Variants in KLF12 observed in about 807,000 individuals in gnomAD.
KLF12 encodes the protein Krueppel-like factor 12.
In KLF12, 9 loss-of-function variants were observed where a neutral mutation model predicts 37.8. That is an observed-to-expected ratio of 0.24 (90% CI 0.14 to 0.42). The LOEUF is 0.42. Among genes scored for constraint, KLF12 ranks in the 10% least tolerant of loss-of-function variants. The pLI, the probability that KLF12 is intolerant of heterozygous loss-of-function variation, is 1.00. For synonymous variants in KLF12, 208 were observed against 202.1 expected (o/e 1.03, Z -0.25); for missense variants, 411 against 516.0 (o/e 0.80, Z 1.97).
chr13:74,029,155 AAGAC>A (rs1282694473), intron 1 of KLF12, among the ~76,000 whole-genome samples: 3 of 152,142 alleles, frequency 2.0e-5, no homozygotes, highest in Non-Finnish European at 2.9e-5. Context: ...CAGTGGGACT[AAGAC>A]CAACCAAGTA....
chr13:73,760,577 C>G (rs1044696879), intron 6 of KLF12, among the ~76,000 whole-genome samples: 3 of 152,154 alleles, frequency 2.0e-5, no homozygotes, highest in Admixed American at 2.0e-4. Flanking sequence ...TCAGCTTCAG[C>G]CTCCCAAAGT....
At chr13:74,176,440 G>C in the KLF12 span, among the ~76,000 whole-genome samples, 6 of 152,122 alleles carry the variant, frequency 3.9e-5, no homozygotes, top group African/African-American at 1.4e-4. Flanking sequence ...CAACATTCTA[G>C]CCTCATGGTG....
chr13:74,213,409 A>C, the KLF12 span, among the ~76,000 whole-genome samples: 1 of 152,126 alleles, frequency 6.6e-6, no homozygotes, highest in African/African-American at 2.4e-5. Context: ...GATAAAGAGA[A>C]ATTCTTGTTT....
chr13:73,915,984 T>C (rs952199216), intron 3 of KLF12, among the ~76,000 whole-genome samples: 1 of 152,150 alleles, frequency 6.6e-6, no homozygotes, highest in Non-Finnish European at 1.5e-5. Context: ...TTCCAGAAGT[T>C]AGTGTTTACC....
At chr13:73,877,156 A>G (rs1886748421) in intron 3 of KLF12, among the ~76,000 whole-genome samples, 1 of 152,214 alleles carries the variant, frequency 6.6e-6, no homozygotes, top group Admixed American at 6.5e-5. Context: ...TTAAACAAGT[A>G]TAATTAACAA....
chr13:73,946,972 T>G (rs544080513), intron 2 of KLF12, among the ~76,000 whole-genome samples: 17 of 152,336 alleles, frequency 1.1e-4, no homozygotes, highest in Admixed American at 8.5e-4. Flanking sequence ...CTCACTGAAC[T>G]AAGATCAGAT....
chr13:73,852,835 C>T (rs181071345), intron 3 of KLF12, among the ~76,000 whole-genome samples: 183 of 151,302 alleles, frequency 1.2e-3, no homozygotes, highest in African/African-American at 4.1e-3. Flanking sequence ...GAAGTCTATA[C>T]ATCAAATAAT....
At chr13:74,130,763 A>T (rs1878219050) in intron 1 of KLF12, among the ~76,000 whole-genome samples, 1 of 152,254 alleles carries the variant, frequency 6.6e-6, no homozygotes, top group Non-Finnish European at 1.5e-5. Flanking sequence ...TGGCAAGCAG[A>T]AAAACTTATA....
intron 6 of KLF12, among the ~76,000 whole-genome samples, chr13:73,746,411 A>G (rs1169800267): frequency 6.6e-6 from 1 of 152,218 alleles, no homozygotes; most frequent in African/African-American, 2.4e-5. Flanking sequence ...CACAGCCGCA[A>G]CATAACTTTA....
intron 6 of KLF12, among the ~76,000 whole-genome samples, chr13:73,751,303 T>C (rs530282329): frequency 1.3e-5 from 2 of 152,288 alleles, no homozygotes; most frequent in South Asian, 4.1e-4. Flanking sequence ...TTTTAGCTCT[T>C]TGAGAAATGT....
the KLF12 span, among the ~76,000 whole-genome samples, chr13:74,272,028 G>A: frequency 2.0e-5 from 3 of 152,178 alleles, no homozygotes; most frequent in Non-Finnish European, 4.4e-5. Flanking sequence ...CTAGCTGCAA[G>A]GGAGTCTGAT....
chr13:73,855,518 C>T (rs1885562038), intron 3 of KLF12, among the ~76,000 whole-genome samples: 1 of 152,156 alleles, frequency 6.6e-6, no homozygotes, highest in Admixed American at 6.5e-5. Context: ...TTGGTTGATT[C>T]CACGTCTTTG....
the KLF12 span, among the ~76,000 whole-genome samples, chr13:74,304,163 A>G: frequency 2.0e-5 from 3 of 152,196 alleles, no homozygotes; most frequent in African/African-American, 7.2e-5. Flanking sequence ...ATAAAGGCAC[A>G]GGCTTTCAGC....
chr13:73,961,962 C>T, intron 2 of KLF12: 1 of 452,700 alleles, frequency 2.2e-6, no homozygotes, highest in South Asian at 1.6e-5. Flanking sequence ...TATATTCTTA[C>T]CATAAGATCA....
the KLF12 span, among the ~76,000 whole-genome samples, chr13:74,256,154 C>CAAAAAAAAAAAAA: frequency 2.6e-5 from 2 of 75,618 alleles, no homozygotes; most frequent in Non-Finnish European, 2.9e-5. Context: ...GACTCTGTCT[C>CAAAAAAAAAAAAA]AAAAAAAAAA....
chr13:74,299,469 A>G, the KLF12 span, among the ~76,000 whole-genome samples: 1 of 152,146 alleles, frequency 6.6e-6, no homozygotes, highest in African/African-American at 2.4e-5. Flanking sequence ...AATATTTTCT[A>G]TCAAATTTGG....
chr13:73,874,365 C>G (rs1243988104), intron 3 of KLF12, among the ~76,000 whole-genome samples: 1 of 152,092 alleles, frequency 6.6e-6, no homozygotes, highest in Non-Finnish European at 1.5e-5. Context: ...CATGCCTGTT[C>G]AATACGTTTA....
At chr13:74,257,309 C>G in the KLF12 span, 1 of 152,456 alleles carries the variant, frequency 6.6e-6, no homozygotes, top group African/African-American at 2.4e-5. Flanking sequence ...TTCCATGGCA[C>G]AGGAGCAGAT....
Position 73,846,089 on chromosome 13 carries a change from C to T in KLF12, c.408G>A (p.Ala136=), listed in dbSNP as rs139583003. The T allele has an allele frequency of 6.8e-5, 109 of 1,614,004 alleles. No individual in the cohort carries two copies. In the African/African-American group the frequency reaches 1.0e-3, roughly 15 times the overall value. ...GAGTTAATACTGTTGACGAAGATGACGCTGAAGATACTGATGTGATAACAG... is the reference window on the plus strand; with the variant it reads ...GAGTTAATACTGTTGACGAAGATGATGCTGAAGATACTGATGTGATAACAG... The change falls in exon 4 of 8, where the codon GCG becomes GCA. Residue 136 remains alanine, a synonymous_variant. Coordinates refer to ENST00000377669, the MANE Select transcript of KLF12 (RefSeq NM_007249.5).
Sources: allele counts gnomAD v4.1 joint callset (sites outside exome capture counted in the v4.1 genomes callset), GRCh38; gene constraint gnomAD v4.1.1; transcripts MANE v1.5; gene names NCBI Gene and HGNC (gene_info 2026-07-23, HGNC 2026-07-21).